The following IL2RB variants were observed in gnomAD, a reference collection of about 807,000 sequenced individuals.
IL2RB encodes interleukin-2 receptor subunit beta.
IL2RB carries 17 observed loss-of-function variants against 44.2 expected under a neutral mutation model. The observed-to-expected ratio is 0.38, with a 90% CI of 0.26 to 0.58. IL2RB has a LOEUF of 0.58. Ranked by LOEUF, IL2RB falls within the 20% of genes least tolerant of loss-of-function variation. The pLI is 0.63. For missense variants in IL2RB, 624 were observed against 685.5 expected (o/e 0.91, Z 1.00); for synonymous variants, 286 against 297.9 (o/e 0.96, Z 0.41).
In IL2RB at chr22:37,128,347, G is replaced by T; in HGVS notation, c.1405C>A (p.Pro469Thr). The change falls in exon 10 of 10, where the codon CCC (proline) becomes ACC (threonine). Residue 469 changes from proline (P) to threonine (T), a missense_variant. By Grantham distance (38) the Pro-to-Thr change is conservative. Coordinates refer to ENST00000216223, the MANE Select transcript of IL2RB (RefSeq NM_000878.5). The surrounding 1 kb of genome is among the most constrained non-coding windows in gnomAD (Gnocchi z 4.5). Reference protein sequence around the residue: ...LQERVPRDWDPQPLGPPTPGV... With the variant: ...LQERVPRDWDTQPLGPPTPGV... ...GGGGTGGGAGGCCCCAGGGGCTGGG[G>T]GTCCCAGTCTCTGGGGACTCTTTCT... 2 of 1,503,330 alleles carry T rather than the reference G, an allele frequency of 1.3e-6. No individual in the cohort carries two copies. Among genetic ancestry groups the T allele is most frequent in the Non-Finnish European group, 1.8e-6 (2 of 1,126,944 alleles). The allele number at this position is 1,503,330 out of a possible 1,614,324, so 93.1% of individuals were successfully genotyped here. A position where few individuals can be genotyped will look rare whatever the true frequency, so the allele number is the denominator to read the frequency against.
At chr22:37,163,593 T>G (rs1922957439) in intron 1 of IL2RB, among the ~76,000 whole-genome samples, 1 of 152,172 alleles carries the variant, frequency 6.6e-6, no homozygotes, top group South Asian at 2.1e-4. Context: ...CTGGGCACCT[T>G]GCCTCCCTCA....
At chr22:37,165,048 C>T (rs1033875491) in intron 1 of IL2RB, among the ~76,000 whole-genome samples, 1 of 152,196 alleles carries the variant, frequency 6.6e-6, no homozygotes, top group Non-Finnish European at 1.5e-5. Context: ...TGAGAGGCCG[C>T]ATGTTACCTC....
intron 1 of IL2RB, among the ~76,000 whole-genome samples, chr22:37,174,344 C>G (rs1349481208): frequency 6.6e-6 from 1 of 152,158 alleles, no homozygotes; most frequent in African/African-American, 2.4e-5. Flanking sequence ...ATTCATAGGT[C>G]ACCATGGTAA....
upstream of IL2RB, among the ~76,000 whole-genome samples, chr22:37,151,638 G>C (rs1205325101): frequency 6.6e-6 from 1 of 152,172 alleles, no homozygotes; most frequent in Admixed American, 6.5e-5. Context: ...TCTTTGCCTA[G>C]TCCCATGTCC....
intron 6 of IL2RB, 152 bp downstream of exon 6, chr22:37,137,435 G>A (rs936708305): frequency 9.5e-6 from 7 of 735,306 alleles, no homozygotes; most frequent in African/African-American, 1.8e-5. Context: ...AGTCGGGGAG[G>A]CAGCCCCAGG....
intron 7 of IL2RB, among the ~76,000 whole-genome samples, chr22:37,135,737 A>C (rs1921657240): frequency 7.6e-6 from 1 of 130,912 alleles, no homozygotes; most frequent in African/African-American, 3.0e-5. Context: ...AGCTGGCTGC[A>C]CCCCTCTCTC....
At chr22:37,175,039 G>A (rs1923408701) in exon 1 of IL2RB, 1 of 152,320 alleles carries the variant, frequency 6.6e-6, no homozygotes, top group Admixed American at 6.5e-5. Flanking sequence ...TTCACATGCT[G>A]GCAGGAGAGC....
chr22:37,164,384 G>A (rs1453101199), intron 1 of IL2RB, among the ~76,000 whole-genome samples: 1 of 151,586 alleles, frequency 6.6e-6, no homozygotes, highest in Non-Finnish European at 1.5e-5. Flanking sequence ...CTTCAGGCCT[G>A]TGGTTTGAGC....
Position 37,144,074 on chromosome 22 carries a change from AG to A in IL2RB, c.88+10del. 6.4e-7 allele frequency: 1 copy of A among 1,551,872 alleles called. No homozygotes were observed. Among genetic ancestry groups the A allele is most frequent in the Non-Finnish European group, 8.7e-7 (1 of 1,147,040 alleles). On this transcript the variant is annotated intron_variant, in intron 2 of 9. Transcript: ENST00000216223. ...GGGAAAGCAGAGCTGTTCAGATGTC[AG>A]GGTCCTCACCATTCACCGCTGCAGA...
intron 9 of IL2RB, among the ~76,000 whole-genome samples, chr22:37,131,739 C>CT (rs1371692544): frequency 2.9e-3 from 420 of 143,250 alleles, no homozygotes; most frequent in Middle Eastern, 0.014. Context: ...AGATAGGGTA[C>CT]TTTTTTTTTT....
At chr22:37,134,043 C>T (rs3218313) in intron 8 of IL2RB, among the ~76,000 whole-genome samples, 30,248 of 152,032 alleles carry the variant, frequency 0.2, 3,568 homozygotes, top group Admixed American at 0.3. Flanking sequence ...GTTTCCCCTC[C>T]CTGTTTTCTG....
At chr22:37,159,409 C>A (rs1259505907) in intron 1 of IL2RB, among the ~76,000 whole-genome samples, 2 of 152,078 alleles carry the variant, frequency 1.3e-5, no homozygotes, top group Non-Finnish European at 2.9e-5. Context: ...AGGCCTGGCA[C>A]CAGAAGCGGC....
intron 1 of IL2RB, among the ~76,000 whole-genome samples, chr22:37,157,275 A>G (rs1003924366): frequency 1.4e-4 from 21 of 152,052 alleles, no homozygotes; most frequent in African/African-American, 4.8e-4. Flanking sequence ...CCCACCCACC[A>G]GTCCCCAAGA....
At position 37,128,151 on chromosome 22, in the gene IL2RB, T is replaced by C; in HGVS notation, c.1601A>G (p.Asp534Gly). 6.3e-7 allele frequency: 1 copy of C among 1,580,868 alleles called. No individual in the cohort carries two copies. The highest frequency in any genetic ancestry group is 1.2e-5 in the South Asian group (1 of 85,396). Residue 534 changes from aspartate (D) to glycine (G), a missense_variant, in exon 10 of 10, where the codon GAT becomes GGT. Around this residue, in one of 3 missense-constraint regions of IL2RB, gnomAD observed 291 missense variants for 275.5 expected, o/e 1.06. Transcript: ENST00000216223. This position sits in a 1 kb window ranked among gnomAD's most constrained non-coding sequence, Gnocchi z 4.5. ...ALNARLPLNT[D>G]AYLSLQELQG... ...GAGTTCTTGGAGGGACAAGTAGGCA[T>C]CAGTGTTCAGGGGCAGGCGAGCATT... is the stretch of plus-strand genomic sequence containing the variant.
upstream of IL2RB, among the ~76,000 whole-genome samples, chr22:37,151,288 T>C (rs550782235): frequency 1.3e-4 from 20 of 152,330 alleles, no homozygotes; most frequent in African/African-American, 4.1e-4. Flanking sequence ...TGAGATAATA[T>C]CTCATTGTAG....
intron 1 of IL2RB, among the ~76,000 whole-genome samples, chr22:37,157,522 C>T (rs765577282): frequency 8.5e-5 from 13 of 152,194 alleles, no homozygotes; most frequent in African/African-American, 1.7e-4. Flanking sequence ...ACCAGGATCG[C>T]GCCAAGGTGA....
intron 4 of IL2RB, among the ~76,000 whole-genome samples, chr22:37,140,766 G>C (rs1448909564): frequency 6.6e-6 from 1 of 152,164 alleles, no homozygotes; most frequent in Admixed American, 6.5e-5. Context: ...CACTCATATG[G>C]ACATGGCCAT....
rs754837040 is a variant in IL2RB, at chr22:37,128,767, C to G, written c.985G>C (p.Glu329Gln). 14 of 1,614,066 alleles carry G rather than the reference C, an allele frequency of 8.7e-6. No homozygotes were observed. In the South Asian group the frequency reaches 1.4e-4, roughly 16 times the overall value. The part of the protein sequence containing the change: ...APEISPLEVL[E>Q]RDKVTQLLLQ... ...AGCAGCTGCGTCACCTTGTCCCTCT[C>G]CAGCACTTCTAGTGGCGAGATCTCA... The change falls in exon 10 of 10, where the codon GAG (glutamate) becomes CAG (glutamine). Residue 329 changes from glutamate (E) to glutamine (Q), a missense_variant. Physicochemically the swap from Glu to Gln is conservative, Grantham distance 29 (BLOSUM62 2). Around this residue, in one of 3 missense-constraint regions of IL2RB, gnomAD observed 255 missense variants for 339.9 expected, o/e 0.75. Transcript: ENST00000216223. The surrounding 1 kb of genome is among the most constrained non-coding windows in gnomAD (Gnocchi z 4.5).
rs200470916 is a variant in IL2RB, at chr22:37,132,374, G to A, written c.903+10C>T. The A allele has an allele frequency of 9.9e-5, 160 of 1,611,638 alleles. No homozygotes were observed. Among genetic ancestry groups the A allele is most frequent in the Middle Eastern group, 1.7e-4 (1 of 5,956 alleles). On this transcript the variant is annotated intron_variant, in intron 9 of 9. Coordinates refer to ENST00000216223, the MANE Select transcript of IL2RB (RefSeq NM_000878.5). The stretch of plus-strand genomic sequence containing the variant: ...CTGCCCACCTCTGTCTCCCCGCCCC[G>A]GCCTCCTACCTGGACGTCTCCTCCA...
Sources: allele counts gnomAD v4.1 joint callset (sites outside exome capture counted in the v4.1 genomes callset), GRCh38; gene constraint gnomAD v4.1.1; regional missense constraint gnomAD v4.1.1; non-coding constraint Gnocchi (gnomAD v3.1); transcripts MANE v1.5; gene names NCBI Gene and HGNC (gene_info 2026-07-23, HGNC 2026-07-21).